ST6GALNAC1: variants seen among roughly 807,000 people sequenced by gnomAD.
ST6GALNAC1 encodes alpha-N-acetylgalactosaminide alpha-2,6-sialyltransferase 1.
In ST6GALNAC1, 45 loss-of-function variants were observed where a neutral mutation model predicts 56.8. The observed-to-expected ratio is 0.79, with a 90% CI of 0.62 to 1.02. The LOEUF (loss-of-function observed/expected upper bound fraction) is 1.02, where lower values mean the gene tolerates loss of function less well. ST6GALNAC1 is among the 50% of genes least tolerant of loss of function. The pLI is 0.00. For synonymous variants in ST6GALNAC1, 295 were observed against 297.8 expected (o/e 0.99, Z 0.10); for missense variants, 743 against 754.8 (o/e 0.98, Z 0.18).
At position 76,627,913 on chromosome 17, in the gene ST6GALNAC1, C is replaced by T. The variant is rs1001450822; in HGVS notation, c.832-330G>A. Among the ~76,000 whole-genome samples the T allele has an allele frequency of 2.6e-5, 4 of 151,904 alleles. No individual in the cohort carries two copies. Among genetic ancestry groups the T allele is most frequent in the African/African-American group, 4.8e-5 (2 of 41,436 alleles). On this transcript the variant is annotated intron_variant, in intron 2 of 8. Transcript: ENST00000156626. This position sits in a 1 kb window ranked among gnomAD's most constrained non-coding sequence, Gnocchi z 4.4. Reference sequence around the variant, plus strand: ...GAGATCGAGACCATCCTGGCTAACACGGTGAAACCCCGTCTCTACTAAAAA... The same window carrying T: ...GAGATCGAGACCATCCTGGCTAACATGGTGAAACCCCGTCTCTACTAAAAA...
chr17:76,633,128 G>C (rs1208991629), intron 1 of ST6GALNAC1, among the ~76,000 whole-genome samples: 3 of 152,170 alleles, frequency 2.0e-5, no homozygotes, highest in African/African-American at 4.8e-5. Context: ...AGAGTTGCTC[G>C]AACCTGGGCG....
At chr17:76,629,795 T>A in intron 1 of ST6GALNAC1, 84 bp from the exon 2 acceptor site, 1 of 1,137,194 alleles carries the variant, frequency 8.8e-7, no homozygotes, top group South Asian at 1.5e-5. Flanking sequence ...TTTTTTTTTT[T>A]TTTTTGAGAC....
intron 1 of ST6GALNAC1, among the ~76,000 whole-genome samples, chr17:76,638,351 C>T (rs190797515): frequency 2.8e-4 from 43 of 151,934 alleles, no homozygotes; most frequent in African/African-American, 8.9e-4. Flanking sequence ...AGAGATGGCC[C>T]GATGGGTTTG....
intron 5 of ST6GALNAC1, 99 bp downstream of exon 5, chr17:76,626,552 C>T: frequency 6.4e-7 from 1 of 1,568,284 alleles, no homozygotes; most frequent in South Asian, 1.2e-5. Flanking sequence ...GTACCAACCA[C>T]AGACTCCATC....
chr17:76,626,430 C>T (rs769176688), intron 5 of ST6GALNAC1, 38 bp from the exon 6 acceptor site: 1 of 1,596,136 alleles, frequency 6.3e-7, no homozygotes, highest in Non-Finnish European at 8.6e-7. Context: ...AAAAGTACTG[C>T]CTTCAGGACC....
chr17:76,635,274 C>T (rs1262322479), intron 1 of ST6GALNAC1, among the ~76,000 whole-genome samples: 1 of 152,166 alleles, frequency 6.6e-6, no homozygotes, highest in Non-Finnish European at 1.5e-5. Flanking sequence ...CAGAGCTCCC[C>T]CTGAACAGAC....
chr17:76,640,476 C>T (rs1368965615), intron 1 of ST6GALNAC1, among the ~76,000 whole-genome samples: 1 of 152,118 alleles, frequency 6.6e-6, no homozygotes, highest in Admixed American at 6.5e-5. Context: ...ATTCCCACCC[C>T]AAAACATCGC....
At chr17:76,636,078 T>TA in intron 1 of ST6GALNAC1, among the ~76,000 whole-genome samples, 1 of 152,194 alleles carries the variant, frequency 6.6e-6, no homozygotes, top group Non-Finnish European at 1.5e-5. Context: ...AAGCAGAAAC[T>TA]GCCTTAAAAC....
At chr17:76,621,694 C>T (rs1382094080), downstream of ST6GALNAC1, among the ~76,000 whole-genome samples, 13 of 151,994 alleles carry the variant, frequency 8.6e-5, no homozygotes, top group South Asian at 2.1e-4. Context: ...AGGCTAGTCT[C>T]GAACTCCTGA....
intron 1 of ST6GALNAC1, among the ~76,000 whole-genome samples, chr17:76,634,925 C>T (rs1283653561): frequency 6.6e-6 from 1 of 152,088 alleles, no homozygotes; most frequent in Non-Finnish European, 1.5e-5. Flanking sequence ...AGTTTATCTT[C>T]CTTGGAAAAT....
In ST6GALNAC1 at chr17:76,626,269, G is replaced by A; in HGVS notation, c.1415+20C>T. 1 of 1,611,166 alleles carries A rather than the reference G, an allele frequency of 6.2e-7. No individual in the cohort carries two copies. Among genetic ancestry groups the A allele is most frequent in the Non-Finnish European group, 8.5e-7 (1 of 1,177,336 alleles). Reference sequence around the variant, plus strand: ...ATGGCTCAGCCTGGGATAAGGGGATGGCAGGAGGACAGTGGGTACCTGAAC... The same window carrying A: ...ATGGCTCAGCCTGGGATAAGGGGATAGCAGGAGGACAGTGGGTACCTGAAC... On this transcript the variant is annotated intron_variant, in intron 6 of 8. Coordinates refer to ENST00000156626, the MANE Select transcript of ST6GALNAC1 (RefSeq NM_018414.5).
Position 76,643,513 on chromosome 17 carries a change from A to T in ST6GALNAC1, c.126T>A (p.Pro42=), listed in dbSNP as rs771480296. ...PSFIKEPQTK[P]SRHQRTENIK... Reference sequence around the variant, plus strand: ...GGAAAGGACAAGAATCTTACCTGGAAGGCTTTGTTTGAGGCTCCTTAATAA... The same window carrying T: ...GGAAAGGACAAGAATCTTACCTGGATGGCTTTGTTTGAGGCTCCTTAATAA... Residue 42 remains proline (P), a synonymous_variant, in exon 1 of 9, where the codon CCT becomes CCA. Coordinates refer to ENST00000156626, the MANE Select transcript of ST6GALNAC1 (RefSeq NM_018414.5). The T allele has an allele frequency of 2.5e-6, 4 of 1,613,816 alleles. No homozygotes were observed. Among genetic ancestry groups the T allele is most frequent in the Non-Finnish European group, 3.4e-6 (4 of 1,179,918 alleles).
intron 1 of ST6GALNAC1, among the ~76,000 whole-genome samples, chr17:76,636,701 C>G (rs1056683899): frequency 6.6e-6 from 1 of 152,054 alleles, no homozygotes; most frequent in African/African-American, 2.4e-5. Context: ...GTCGGGGGCG[C>G]CTCTGACCGC....
chr17:76,625,023 G>A lies in ST6GALNAC1; in HGVS notation c.*307C>T, dbSNP rs2075775712. On this transcript the variant is annotated 3_prime_UTR_variant, in exon 9 of 9. Transcript: ENST00000156626. ...TCTGTAAATCCAGGCTCTTTTTTCT[G>A]TATCAAGAAGCTTTTGGACTGGAAG... The A allele has an allele frequency of 2.6e-6, 1 of 380,216 alleles. No individual in the cohort carries two copies. Among genetic ancestry groups the A allele is most frequent in the Non-Finnish European group, 4.8e-6 (1 of 210,432 alleles). 23.6% of individuals were successfully genotyped at this position (380,216 alleles called of 1,614,324 possible). A position where few individuals can be genotyped will look rare whatever the true frequency, so the allele number is the denominator to read the frequency against.
Position 76,642,143 on chromosome 17 carries a change from T to C in ST6GALNAC1, c.131+1365A>G, listed in dbSNP as rs572523264. Among the ~76,000 whole-genome samples, 4 of 152,052 alleles carry C rather than the reference T, an allele frequency of 2.6e-5. No individual in the cohort carries two copies. The East Asian group carries it at 5.8e-4, about 22-fold the overall frequency. ...TATATCTCCATACTATATATAGATA[T>C]CTATATCTCCATCTATCTATCCATC... On this transcript the variant is annotated intron_variant, in intron 1 of 8. Coordinates refer to ENST00000156626, the MANE Select transcript of ST6GALNAC1 (RefSeq NM_018414.5).
chr17:76,622,379 A>T (rs7220792), downstream of ST6GALNAC1, among the ~76,000 whole-genome samples: 105,721 of 150,484 alleles, frequency 0.7, 37,539 homozygotes, highest in South Asian at 0.8. Context: ...TATTATTATT[A>T]TTTTGAGACA....
In ST6GALNAC1 at chr17:76,625,275, C is replaced by A; in HGVS notation, c.*55G>T. 6.3e-7 allele frequency: 1 copy of A among 1,575,286 alleles called. No homozygotes were observed. Among genetic ancestry groups the A allele is most frequent in the East Asian group, 2.3e-5 (1 of 43,324 alleles). Reference sequence around the variant, plus strand: ...AATGGCCAAAGAGTCTCAAGATTCCCACTGTATCCTGTGCCTTGGAGCAGG... The same window carrying A: ...AATGGCCAAAGAGTCTCAAGATTCCAACTGTATCCTGTGCCTTGGAGCAGG... On this transcript the variant is annotated 3_prime_UTR_variant, in exon 9 of 9. Coordinates refer to ENST00000156626, the MANE Select transcript of ST6GALNAC1 (RefSeq NM_018414.5).
intron 1 of ST6GALNAC1, among the ~76,000 whole-genome samples, chr17:76,630,858 G>A (rs573673948): frequency 3.3e-4 from 50 of 150,718 alleles, no homozygotes; most frequent in African/African-American, 1.2e-3. Flanking sequence ...CAAGGTGCTG[G>A]GATTTTACAG....
At position 76,626,035 on chromosome 17, in the gene ST6GALNAC1, G is replaced by A; in HGVS notation, c.1476C>T (p.His492=). ...TCTTCATGTATCGGAGAAAGTCTGGGTGCAGCAACAGGTACCTGTCCATGT... is the reference window on the plus strand; with the variant it reads ...TCTTCATGTATCGGAGAAAGTCTGGATGCAGCAACAGGTACCTGTCCATGT... ...ALHMDRYLLL[H]PDFLRYMKNR... The change falls in exon 7 of 9, where the codon CAC becomes CAT. Residue 492 remains histidine, a synonymous_variant. Transcript: ENST00000156626. 1 of 1,614,184 alleles carries A rather than the reference G, an allele frequency of 6.2e-7. No homozygotes were observed. Among genetic ancestry groups the A allele is most frequent in the South Asian group, 1.1e-5 (1 of 91,074 alleles).
Sources: gnomAD v4.1 joint callset for allele counts (sites outside exome capture counted in the v4.1 genomes callset) on GRCh38, gnomAD v4.1.1 for gene constraint, Gnocchi (gnomAD v3.1) non-coding constraint, MANE v1.5 for transcripts, NCBI Gene and HGNC (gene_info 2026-07-23, HGNC 2026-07-21) for gene names.